Variants in PAQR8 observed in about 807,000 individuals in gnomAD.
The protein encoded by PAQR8 is progestin and adipoQ receptor family member 8.
In PAQR8, 17 loss-of-function variants were observed where a neutral mutation model predicts 25.2. The observed-to-expected ratio is 0.67, with a 90% CI of 0.46 to 1.01. The LOEUF is 1.01. Ranked by LOEUF, PAQR8 falls within the 50% of genes least tolerant of loss-of-function variation. The pLI is 0.00. For missense variants in PAQR8, 392 were observed against 448.4 expected (o/e 0.87, Z 1.14); for synonymous variants, 204 against 190.6 (o/e 1.07, Z -0.58).
intron 1 of PAQR8, among the ~76,000 whole-genome samples, chr6:52,372,333 C>G (rs1305040801): frequency 6.6e-6 from 1 of 152,054 alleles, no homozygotes; most frequent in South Asian, 2.1e-4. Flanking sequence ...TAGTAAACTT[C>G]CAAAGCATAG....
intron 1 of PAQR8, among the ~76,000 whole-genome samples, chr6:52,396,693 C>G (rs1423399034): frequency 6.6e-6 from 1 of 152,030 alleles, no homozygotes; most frequent in Non-Finnish European, 1.5e-5. Flanking sequence ...TTTTGAAGAC[C>G]TAAATTAAGG....
intron 1 of PAQR8, among the ~76,000 whole-genome samples, chr6:52,366,283 G>T (rs1345543317): frequency 1.3e-5 from 2 of 152,168 alleles, no homozygotes; most frequent in African/African-American, 4.8e-5. Context: ...CATTTAGTGA[G>T]AATTCTCTGT....
chr6:52,387,672 GGGTGGGGCCGTTAGGA>G lies in PAQR8; in HGVS notation c.-52-15485_-52-15470del, dbSNP rs1280919834. ...TAACCCCTAATGTAAGGATATTAGG[GGGTGGGGCCGTTAGGA>G]GGTGATCACCTAGATCAGGGATCCC... On this transcript the variant is annotated intron_variant, in intron 1 of 1. Transcript: ENST00000442253. 2.6e-5 allele frequency among the ~76,000 whole-genome samples: 4 copies of G among 152,332 alleles called. No individual in the cohort carries two copies. The East Asian group carries it at 7.7e-4, about 29-fold the overall frequency.
chr6:52,373,865 A>C (rs1763450973), intron 1 of PAQR8, among the ~76,000 whole-genome samples: 1 of 152,098 alleles, frequency 6.6e-6, no homozygotes, highest in Admixed American at 6.6e-5. Flanking sequence ...TACGGTTTAG[A>C]TCTGTGTCTC....
chr6:52,372,751 T>A (rs865854722), intron 1 of PAQR8, among the ~76,000 whole-genome samples: 1 of 87,628 alleles, frequency 1.1e-5, no homozygotes, highest in Non-Finnish European at 2.6e-5. Context: ...TATATATATA[T>A]GGATATATAT....
intron 1 of PAQR8, among the ~76,000 whole-genome samples, chr6:52,381,041 C>T (rs1048793887): frequency 1.3e-5 from 2 of 152,206 alleles, no homozygotes; most frequent in Non-Finnish European, 2.9e-5. Flanking sequence ...AAATCTCCCC[C>T]ACCCTCCTCC....
chr6:52,400,272 AC>A (rs1460918291), intron 1 of PAQR8, among the ~76,000 whole-genome samples: 1 of 152,182 alleles, frequency 6.6e-6, no homozygotes, highest in African/African-American at 2.4e-5. Flanking sequence ...TATGGAGGGG[AC>A]ATTAGGCCCT....
At position 52,362,849 on chromosome 6, in the gene PAQR8, C is replaced by A. The variant is rs1763306880; in HGVS notation, c.-53+600C>A. Among the ~76,000 whole-genome samples the A allele has an allele frequency of 6.6e-6, 1 of 152,104 alleles. No individual in the cohort carries two copies. Among genetic ancestry groups the A allele is most frequent in the South Asian group, 2.1e-4 (1 of 4,824 alleles). On this transcript the variant is annotated intron_variant, in intron 1 of 1. Coordinates refer to ENST00000442253, the MANE Select transcript of PAQR8 (RefSeq NM_133367.5). This position sits in a 1 kb window ranked among gnomAD's most constrained non-coding sequence, Gnocchi z 4.1. ...AGAGTAGGGTGGGTCTAGGCATGTG[C>A]TTTCGCCGGGGAAAGATGGAGGGGG... is the stretch of plus-strand genomic sequence containing the variant.
chr6:52,387,347 G>A (rs887846351), intron 1 of PAQR8, among the ~76,000 whole-genome samples: 15 of 152,336 alleles, frequency 9.8e-5, no homozygotes, highest in Non-Finnish European at 1.6e-4. Context: ...TCACAAAGAC[G>A]CAGTCAGTTG....
At chr6:52,393,496 T>C (rs1763734256) in intron 1 of PAQR8, among the ~76,000 whole-genome samples, 1 of 151,958 alleles carries the variant, frequency 6.6e-6, no homozygotes, top group South Asian at 2.1e-4. Flanking sequence ...CCACCATGCC[T>C]GGCTAATTTT....
chr6:52,385,201 G>A (rs1763617015), intron 1 of PAQR8, among the ~76,000 whole-genome samples: 2 of 152,140 alleles, frequency 1.3e-5, no homozygotes, highest in Admixed American at 1.3e-4. Context: ...AGATCTCATG[G>A]TTTTATTAGG....
intron 1 of PAQR8, among the ~76,000 whole-genome samples, chr6:52,374,219 C>T (rs752103872): frequency 1.3e-5 from 2 of 152,118 alleles, no homozygotes; most frequent in Non-Finnish European, 2.9e-5. Context: ...ACCCAGTGTC[C>T]AGTATTTCTT....
chr6:52,385,121 G>C (rs1382466932), intron 1 of PAQR8, among the ~76,000 whole-genome samples: 2 of 152,192 alleles, frequency 1.3e-5, no homozygotes, highest in Admixed American at 6.5e-5. Flanking sequence ...GGAGGGACCC[G>C]TTGGGAGATA....
At chr6:52,368,386 G>C (rs1763378840) in intron 1 of PAQR8, among the ~76,000 whole-genome samples, 1 of 152,116 alleles carries the variant, frequency 6.6e-6, no homozygotes, top group African/African-American at 2.4e-5. Flanking sequence ...CATTGTTTGC[G>C]AGTCAAGGTG....
intron 1 of PAQR8, among the ~76,000 whole-genome samples, chr6:52,388,260 C>T (rs1763655701): frequency 6.6e-6 from 1 of 151,986 alleles, no homozygotes; most frequent in Non-Finnish European, 1.5e-5. Flanking sequence ...CCTGTAATCC[C>T]AGCTACTTGG....
intron 1 of PAQR8, among the ~76,000 whole-genome samples, chr6:52,395,334 T>C (rs1415990774): frequency 6.6e-6 from 1 of 152,148 alleles, no homozygotes; most frequent in Non-Finnish European, 1.5e-5. Context: ...TTCAACATTT[T>C]TTAACACTTT....
chr6:52,367,957 G>A (rs1763372131), intron 1 of PAQR8, among the ~76,000 whole-genome samples: 1 of 152,148 alleles, frequency 6.6e-6, no homozygotes, highest in Admixed American at 6.5e-5. Context: ...AGCCAGGTAT[G>A]GTGATTCATG....
chr6:52,362,341 G>A lies in PAQR8; in HGVS notation c.-53+92G>A, dbSNP rs1162398420. On this transcript the variant is annotated intron_variant, in intron 1 of 1. Coordinates refer to ENST00000442253, the MANE Select transcript of PAQR8 (RefSeq NM_133367.5). This position sits in a 1 kb window ranked among gnomAD's most constrained non-coding sequence, Gnocchi z 4.1. ...CCCGGGGCCCGAGCTCGGGAGGCGG[G>A]GACGTCAGGATCGCGGCGTTGGGGA... 2 of 152,374 alleles carry A rather than the reference G, an allele frequency of 1.3e-5. No homozygotes were observed. Among genetic ancestry groups the A allele is most frequent in the Non-Finnish European group, 2.9e-5 (2 of 68,172 alleles). The allele number at this position is 152,374 out of a possible 1,614,324, so 9.4% of individuals were successfully genotyped here. A position where few individuals can be genotyped will look rare whatever the true frequency, so the allele number is the denominator to read the frequency against.
At position 52,399,472 on chromosome 6, in the gene PAQR8, A is replaced by G. The variant is rs553821683; in HGVS notation, c.-52-3690A>G. On this transcript the variant is annotated intron_variant, in intron 1 of 1. Coordinates refer to ENST00000442253, the MANE Select transcript of PAQR8 (RefSeq NM_133367.5). ...AGAAATTCAGTTGAGTTGTCAGTTT[A>G]TAAGAACCTGCTATGTGATGGATAC... 8.5e-5 allele frequency among the ~76,000 whole-genome samples: 13 copies of G among 152,346 alleles called. No individual in the cohort carries two copies. The East Asian group carries it at 1.3e-3, about 16-fold the overall frequency.
Sources: allele counts gnomAD v4.1 joint callset (sites outside exome capture counted in the v4.1 genomes callset), GRCh38; gene constraint gnomAD v4.1.1; non-coding constraint Gnocchi (gnomAD v3.1); transcripts MANE v1.5; gene names NCBI Gene and HGNC (gene_info 2026-07-23, HGNC 2026-07-21).